Variants in SGIP1 observed in about 807,000 individuals in gnomAD.
SGIP1 encodes the protein SH3-containing GRB2-like protein 3-interacting protein 1.
SGIP1 carries 38 observed loss-of-function variants against 107.5 expected under a neutral mutation model. That is an observed-to-expected ratio of 0.35 (90% confidence interval 0.27 to 0.46). The LOEUF (loss-of-function observed/expected upper bound fraction) is 0.46. SGIP1 is among the 20% of genes least tolerant of loss of function. The pLI, the probability that SGIP1 is intolerant of heterozygous loss-of-function variation, is 1.00. For missense variants in SGIP1, 929 were observed against 1,019.5 expected, an observed-to-expected ratio of 0.91 and a Z score of 1.21; for synonymous variants, 365 against 366.1, an observed-to-expected ratio of 1.00 and a Z score of 0.03.
chr1:66,578,123 G>C (rs2061332249), intron 1 of SGIP1, among the ~76,000 whole-genome samples: 1 of 151,852 alleles, frequency 6.6e-6, no homozygotes, highest in Non-Finnish European at 1.5e-5. Flanking sequence ...ACTGGTACTG[G>C]GCATTATTGG....
At chr1:66,661,297 C>A (rs1021026043) in intron 8 of SGIP1, among the ~76,000 whole-genome samples, 1 of 152,176 alleles carries the variant, frequency 6.6e-6, no homozygotes, top group African/African-American at 2.4e-5. Flanking sequence ...ATATTATGTT[C>A]CATGTTCACA....
At chr1:66,550,305 G>A (rs1409320933) in intron 1 of SGIP1, among the ~76,000 whole-genome samples, 1 of 152,100 alleles carries the variant, frequency 6.6e-6, no homozygotes, top group Non-Finnish European at 1.5e-5. Flanking sequence ...GCAGATTGGT[G>A]AGAGGAAGAG....
At chr1:66,668,869 G>T (rs1013473861) in intron 9 of SGIP1, among the ~76,000 whole-genome samples, 1 of 152,204 alleles carries the variant, frequency 6.6e-6, no homozygotes, top group African/African-American at 2.4e-5. Flanking sequence ...GCATTGAAAG[G>T]GGGAAAATAC....
In SGIP1 at chr1:66,682,277, G is replaced by C. The variant is rs754221138; in HGVS notation, c.1223G>C (p.Arg408Thr). ...CCTAAAGATTTTGGGTTGGGACAAA[G>C]AGCAACTCCACCTCCCCCACCACCA... ...SSPKDFGLGQ[R>T]ATPPPPPPPT... The change falls in exon 15 of 25, where the codon AGA becomes ACA. Residue 408 changes from arginine to threonine, a missense_variant. Transcript: ENST00000371037. The C allele has an allele frequency of 1.2e-6, 2 of 1,614,218 alleles. No individual in the cohort carries two copies. The highest frequency in any genetic ancestry group is 1.7e-6 in the Non-Finnish European group (2 of 1,180,030).
chr1:66,595,018 G>C (rs1180149926), intron 1 of SGIP1, among the ~76,000 whole-genome samples: 1 of 152,206 alleles, frequency 6.6e-6, no homozygotes, highest in Non-Finnish European at 1.5e-5. Context: ...TTGTAATGAA[G>C]GAGTTCCTGG....
chr1:66,702,219 G>A (rs2091997777), intron 18 of SGIP1, among the ~76,000 whole-genome samples: 1 of 152,114 alleles, frequency 6.6e-6, no homozygotes, highest in Admixed American at 6.5e-5. Context: ...ACTTTTCTGA[G>A]ATTACACAGC....
At chr1:66,698,566 G>T (rs1325473310) in intron 18 of SGIP1, among the ~76,000 whole-genome samples, 1 of 151,982 alleles carries the variant, frequency 6.6e-6, no homozygotes, top group Non-Finnish European at 1.5e-5. Context: ...TTTTAGTAGG[G>T]ATGGGGTTTC....
At chr1:66,672,288 G>T (rs1295205406) in intron 11 of SGIP1, among the ~76,000 whole-genome samples, 1 of 152,128 alleles carries the variant, frequency 6.6e-6, no homozygotes, top group Non-Finnish European at 1.5e-5. Context: ...GTATTTTGGT[G>T]TCTGGAATGC....
intron 19 of SGIP1, among the ~76,000 whole-genome samples, chr1:66,726,898 G>T (rs925004670): frequency 1.3e-5 from 2 of 150,804 alleles, no homozygotes; most frequent in Non-Finnish European, 1.5e-5. Flanking sequence ...TTGAGGCCAG[G>T]AGTTTGAGAC....
intron 8 of SGIP1, 40 bp from the exon 9 acceptor site, chr1:66,667,490 G>C (rs2082839042): frequency 6.2e-7 from 1 of 1,604,928 alleles, no homozygotes; most frequent in Non-Finnish European, 8.5e-7. Context: ...ATCATTCTCT[G>C]ACTAGGTGTC....
intron 21 of SGIP1, among the ~76,000 whole-genome samples, chr1:66,737,602 T>C (rs568597607): frequency 1.9e-4 from 29 of 152,212 alleles, no homozygotes; most frequent in Non-Finnish European, 3.7e-4. Context: ...TACTGGCCAC[T>C]GACCTCAGGT....
At chr1:66,540,877 T>C (rs905340146) in intron 1 of SGIP1, among the ~76,000 whole-genome samples, 1 of 152,196 alleles carries the variant, frequency 6.6e-6, no homozygotes, top group Non-Finnish European at 1.5e-5. Context: ...AGATAATTGA[T>C]GTGCCATACC....
intron 1 of SGIP1, among the ~76,000 whole-genome samples, chr1:66,574,518 A>G (rs556226017): frequency 6.6e-6 from 1 of 152,268 alleles, no homozygotes; most frequent in Non-Finnish European, 1.5e-5. Flanking sequence ...TTATACATCT[A>G]TGAGAACAAT....
intron 1 of SGIP1, among the ~76,000 whole-genome samples, chr1:66,558,750 A>G (rs2058530211): frequency 6.6e-6 from 1 of 151,746 alleles, no homozygotes; most frequent in Non-Finnish European, 1.5e-5. Context: ...TTCAAGTTGA[A>G]TTCACAAATA....
At chr1:66,694,503 A>G in intron 17 of SGIP1, 1 of 1,600,252 alleles carries the variant, frequency 6.2e-7, no homozygotes, top group Non-Finnish European at 8.5e-7. Flanking sequence ...AAACGCCTGC[A>G]GGTATGGTGC....
chr1:66,721,155 A>G (rs977363215), intron 19 of SGIP1, among the ~76,000 whole-genome samples: 2 of 152,170 alleles, frequency 1.3e-5, no homozygotes, highest in Non-Finnish European at 1.5e-5. Context: ...CCACATCCCC[A>G]TATCAATAGA....
At position 66,674,057 on chromosome 1, in the gene SGIP1, G is replaced by T. The variant is rs145318105; in HGVS notation, c.646+691G>T. On this transcript the variant is annotated intron_variant, in intron 12 of 24. Coordinates refer to ENST00000371037, the MANE Select transcript of SGIP1 (RefSeq NM_032291.4). Reference sequence around the variant, plus strand: ...GTGGTGCATGCCTGTAGGCCCAGCTGCTCGGGAGGCTGAGGTGGGAGGTTC... The same window carrying T: ...GTGGTGCATGCCTGTAGGCCCAGCTTCTCGGGAGGCTGAGGTGGGAGGTTC... Among the ~76,000 whole-genome samples the T allele has an allele frequency of 9.6e-3, 1,465 of 152,022 alleles. 19 individuals carry two copies. Among genetic ancestry groups the T allele is most frequent in the African/African-American group, 0.032 (1,310 of 41,444 alleles).
chr1:66,709,915 A>G (rs1013650928), intron 18 of SGIP1, among the ~76,000 whole-genome samples: 1 of 152,084 alleles, frequency 6.6e-6, no homozygotes, highest in Admixed American at 6.6e-5. Context: ...CTATCAAAAC[A>G]CTCAAGAAAA....
intron 23 of SGIP1, 53 bp downstream of exon 23, chr1:66,740,775 A>T (rs986358997): frequency 1.6e-6 from 2 of 1,257,354 alleles, no homozygotes; most frequent in African/African-American, 3.0e-5. Context: ...AAATGGCTTT[A>T]GGTATTTGCC....
Sources: gnomAD v4.1 joint callset for allele counts (sites outside exome capture counted in the v4.1 genomes callset) on GRCh38, gnomAD v4.1.1 for gene constraint, MANE v1.5 for transcripts, NCBI Gene and HGNC (gene_info 2026-07-23, HGNC 2026-07-21) for gene names.